CCNC: variants seen among roughly 807,000 people sequenced by gnomAD.
CCNC encodes the protein cyclin-C.
Under a neutral mutation model 50.0 loss-of-function variants are expected in CCNC, and 19 were observed. The observed-to-expected ratio is 0.38, with a 90% CI of 0.27 to 0.56. The LOEUF is 0.56. Among genes scored for constraint, CCNC ranks in the 20% least tolerant of loss-of-function variants. The pLI, the probability that CCNC is intolerant of heterozygous loss-of-function variation, is 0.72. For synonymous variants in CCNC, 93 were observed against 103.7 expected (o/e 0.90, Z 0.63); for missense variants, 200 against 327.1 (o/e 0.61, Z 3.00).
At chr6:99,559,125 T>G (rs2114371687) in intron 4 of CCNC, among the ~76,000 whole-genome samples, 1 of 151,644 alleles carries the variant, frequency 6.6e-6, no homozygotes, top group South Asian at 2.1e-4. Flanking sequence ...AGATACTTCA[T>G]GCCATTCTAT....
In CCNC at chr6:99,550,323, A is replaced by T. The variant is rs1246366626; in HGVS notation, c.439-14T>A. The T allele has an allele frequency of 5.1e-6, 8 of 1,567,806 alleles. No homozygotes were observed. The highest frequency in any genetic ancestry group is 1.1e-5 in the South Asian group (1 of 87,184). ...CAAGCAACAATCCTAGAAACAGTTT[A>T]AAAAATGTGTATGTATAAAAAACAG... On this transcript the variant is annotated splice_polypyrimidine_tract_variant and intron_variant, in intron 7 of 11. Coordinates refer to ENST00000520429, the MANE Select transcript of CCNC (RefSeq NM_005190.4).
At chr6:99,562,020 AAAG>A (rs1802800667) in intron 2 of CCNC, 1 of 157,010 alleles carries the variant, frequency 6.4e-6, no homozygotes. Flanking sequence ...ATAAATATAA[AAAG>A]AAAATATTAG....
chr6:99,547,399 T>C (rs576958606), intron 9 of CCNC, among the ~76,000 whole-genome samples: 2 of 152,012 alleles, frequency 1.3e-5, no homozygotes, highest in African/African-American at 4.8e-5. Flanking sequence ...ACACTGAAGA[T>C]TGAGGAAGCA....
chr6:99,554,813 A>C (rs1802448383), intron 5 of CCNC, among the ~76,000 whole-genome samples: 1 of 152,228 alleles, frequency 6.6e-6, no homozygotes, highest in African/African-American at 2.4e-5. Context: ...ATTAGAAACC[A>C]AGATATGGGT....
chr6:99,558,583 T>C (rs745758041), intron 4 of CCNC, 35 bp from the exon 5 acceptor site: 1 of 1,573,118 alleles, frequency 6.4e-7, no homozygotes, highest in Non-Finnish European at 8.6e-7. Context: ...GTTAACCCAA[T>C]GAATCTAAGG....
rs753027122 is a variant in CCNC, at chr6:99,543,539, A to G, written c.*16T>C. On this transcript the variant is annotated 3_prime_UTR_variant, in exon 12 of 12. Coordinates refer to ENST00000520429, the MANE Select transcript of CCNC (RefSeq NM_005190.4). ...TTTATTTCCAAGTGGTCCACTATGG[A>G]ATTCTTCGGAATGTTTTAAGATTGG... 8.7e-6 allele frequency: 14 copies of G among 1,612,872 alleles called. No homozygotes were observed. The highest frequency in any genetic ancestry group is 5.0e-5 in the Admixed American group (3 of 59,964).
At chr6:99,563,619 A>G (rs1395235897) in intron 1 of CCNC, among the ~76,000 whole-genome samples, 6 of 152,186 alleles carry the variant, frequency 3.9e-5, no homozygotes, top group African/African-American at 7.2e-5. Context: ...ATCATTATTT[A>G]GCCAATCTCT....
chr6:99,558,744 T>C (rs539118636), intron 4 of CCNC, among the ~76,000 whole-genome samples, 196 bp from the exon 5 acceptor site: 16 of 152,258 alleles, frequency 1.1e-4, no homozygotes, highest in African/African-American at 3.8e-4. Context: ...ATTTTTCTGA[T>C]TTAGGAATAT....
At position 99,568,600 on chromosome 6, in the gene CCNC, G is replaced by T. The variant is rs1769264301; in HGVS notation, c.-73C>A. ...CGCGGAGCGACCATAGACCCAGCCC[G>T]TCCGGTAACCGCGCTCCTCGATCAA... On this transcript the variant is annotated 5_prime_UTR_variant, in exon 1 of 12. Coordinates refer to ENST00000520429, the MANE Select transcript of CCNC (RefSeq NM_005190.4). 1 of 1,578,414 alleles carries T rather than the reference G, an allele frequency of 6.3e-7. No individual in the cohort carries two copies. Among genetic ancestry groups the T allele is most frequent in the Non-Finnish European group, 8.6e-7 (1 of 1,163,646 alleles).
intron 10 of CCNC, among the ~76,000 whole-genome samples, chr6:99,545,514 T>A (rs1367019577): frequency 1.3e-5 from 2 of 152,190 alleles, no homozygotes; most frequent in Non-Finnish European, 2.9e-5. Context: ...GAATAAAGGT[T>A]CTAATCATGA....
chr6:99,549,083 A>G (rs932560946), intron 9 of CCNC, among the ~76,000 whole-genome samples: 12 of 147,498 alleles, frequency 8.1e-5, no homozygotes, highest in African/African-American at 3.2e-4. Flanking sequence ...GAATGAATGT[A>G]CTTAACGTCT....
chr6:99,554,036 A>C (rs890653460), intron 5 of CCNC, among the ~76,000 whole-genome samples: 1 of 151,678 alleles, frequency 6.6e-6, no homozygotes, highest in Admixed American at 6.6e-5. Flanking sequence ...TTTATTTGTC[A>C]TGTTTCCTTA....
chr6:99,568,769 A>T (rs951078433), upstream of CCNC: 5 of 1,313,500 alleles, frequency 3.8e-6, no homozygotes, highest in Admixed American at 3.1e-5. Flanking sequence ...TAGCGGAGGG[A>T]GCCGGAGGGG....
intron 9 of CCNC, among the ~76,000 whole-genome samples, chr6:99,549,040 C>T (rs148984318): frequency 1.3e-3 from 202 of 152,170 alleles, no homozygotes; most frequent in African/African-American, 4.6e-3. Context: ...TATCTGACTC[C>T]ACCCATTACA....
intron 2 of CCNC, chr6:99,562,610 A>T (rs1802827752): frequency 2.4e-6 from 1 of 410,200 alleles, no homozygotes; most frequent in Non-Finnish European, 4.4e-6. Context: ...TCTTAGGGAG[A>T]TTAGGTAACA....
At chr6:99,547,893 C>T (rs1040344548) in intron 9 of CCNC, among the ~76,000 whole-genome samples, 7 of 152,046 alleles carry the variant, frequency 4.6e-5, no homozygotes, top group Admixed American at 1.3e-4. Context: ...AAGGAACAAT[C>T]GAGAGGAAGG....
chr6:99,568,648 C>A lies in CCNC; in HGVS notation c.-121G>T. 1.3e-6 allele frequency: 2 copies of A among 1,532,342 alleles called. No homozygotes were observed. Among genetic ancestry groups the A allele is most frequent in the East Asian group, 2.5e-5 (1 of 40,772 alleles). The allele number at this position is 1,532,342 out of a possible 1,614,324, so 94.9% of individuals were successfully genotyped here. On this transcript the variant is annotated 5_prime_UTR_variant, in exon 1 of 12. Transcript: ENST00000520429. ...CAAATCAGCTCGGCTCGACTCCGCTCCGCGGCGGCGACGGCGAAAGGAAGA... is the reference window on the plus strand; with the variant it reads ...CAAATCAGCTCGGCTCGACTCCGCTACGCGGCGGCGACGGCGAAAGGAAGA...
chr6:99,546,295 T>A, intron 10 of CCNC, 100 bp downstream of exon 10: 1 of 778,468 alleles, frequency 1.3e-6, no homozygotes, highest in Non-Finnish European at 2.2e-6. Flanking sequence ...TAACCAATAA[T>A]CTTCTTAGCC....
chr6:99,564,900 GATCC>G (rs1296451648), intron 1 of CCNC, among the ~76,000 whole-genome samples: 2 of 151,948 alleles, frequency 1.3e-5, no homozygotes, highest in Non-Finnish European at 2.9e-5. Context: ...TTCAATTTAT[GATCC>G]ATCTGGAATT....
Sources: allele counts gnomAD v4.1 joint callset (sites outside exome capture counted in the v4.1 genomes callset), GRCh38; gene constraint gnomAD v4.1.1; transcripts MANE v1.5; gene names NCBI Gene and HGNC (gene_info 2026-07-23, HGNC 2026-07-21).